BPIFC: variants seen among roughly 807,000 people sequenced by gnomAD.
BPIFC encodes the protein BPI fold containing family C, also known as BPI fold-containing family C protein.
A neutral mutation model predicts 57.6 loss-of-function variants in BPIFC; 60 were observed. That is an observed-to-expected ratio of 1.04 (90% CI 0.85 to 1.29). The LOEUF (loss-of-function observed/expected upper bound fraction) is 1.29. BPIFC is among the 50% of genes most tolerant of loss of function. The pLI is 0.00. For missense variants in BPIFC, 581 were observed against 600.5 expected, an observed-to-expected ratio of 0.97 and a Z score of 0.34; for synonymous variants, 243 against 224.5, an observed-to-expected ratio of 1.08 and a Z score of -0.74.
At chr22:32,427,498 G>A (rs921028835) in intron 13 of BPIFC, among the ~76,000 whole-genome samples, 44 of 152,064 alleles carry the variant, frequency 2.9e-4, no homozygotes, top group South Asian at 2.1e-4. Context: ...GCCCCGCCCC[G>A]CATCACTCCC....
intron 14 of BPIFC, among the ~76,000 whole-genome samples, chr22:32,417,461 C>T (rs1219149069): frequency 1.3e-5 from 2 of 152,180 alleles, no homozygotes; most frequent in African/African-American, 4.8e-5. Context: ...GTGGGAGCCA[C>T]CACACCTGGC....
intron 2 of BPIFC, 55 bp from the exon 3 acceptor site, chr22:32,457,441 C>G: frequency 6.4e-7 from 1 of 1,560,180 alleles, no homozygotes; most frequent in Non-Finnish European, 8.6e-7. Flanking sequence ...TCTCTTTGGT[C>G]AATTAAATCC....
intron 4 of BPIFC, among the ~76,000 whole-genome samples, chr22:32,448,345 T>C (rs1934791154): frequency 6.6e-6 from 1 of 152,106 alleles, no homozygotes; most frequent in Non-Finnish European, 1.5e-5. Context: ...AGTGCTGGGA[T>C]TATAGGCGTG....
Position 32,414,319 on chromosome 22 carries a change from C to A in BPIFC, c.1508G>T (p.Gly503Val). The A allele has an allele frequency of 6.2e-7, 1 of 1,613,658 alleles. No homozygotes were observed. Among genetic ancestry groups the A allele is most frequent in the Non-Finnish European group, 8.5e-7 (1 of 1,179,762 alleles). The change falls in exon 17 of 17, where the codon GGG becomes GTG. Residue 503 changes from glycine to valine, a missense_variant. Physicochemically the swap from Gly to Val is moderately radical, Grantham distance 109. Coordinates refer to ENST00000300399, the MANE Select transcript of BPIFC (RefSeq NM_174932.3). ...GLNLISRQWR[G>V]KSAP ...AACCGGCAATCAAGGGGCTGACTTC[C>A]CCCTCCACTGTCTGCTTATCAGGTT...
At position 32,431,411 on chromosome 22, in the gene BPIFC, C is replaced by T; in HGVS notation, c.1153G>A (p.Ala385Thr). 1.9e-6 allele frequency: 3 copies of T among 1,606,110 alleles called. No homozygotes were observed. In the South Asian group the frequency reaches 3.3e-5, roughly 18 times the overall value. ...VETIVSMDFV[A>T]STSVGLVILG... ...ATAACCAGGCCAACACTGGTACTAG[C>T]AACCTATAGACAATAAAAGCATTTA... The change falls in exon 13 of 17, where the codon GCT becomes ACT. Residue 385 changes from alanine to threonine, a missense_variant. By Grantham distance (58) the Ala-to-Thr change is moderately conservative. Transcript: ENST00000300399.
intron 13 of BPIFC, among the ~76,000 whole-genome samples, chr22:32,429,239 C>T (rs551710161): frequency 6.6e-6 from 1 of 151,496 alleles, no homozygotes; most frequent in South Asian, 2.1e-4. Flanking sequence ...TGGAGTCTCG[C>T]TCTGTCCCCC....
At chr22:32,447,395 C>A in intron 4 of BPIFC, 55 bp from the exon 5 acceptor site, 1 of 1,573,786 alleles carries the variant, frequency 6.4e-7, no homozygotes, top group South Asian at 1.2e-5. Context: ...TCTCTTCAGT[C>A]AAGCAAACTT....
Position 32,432,387 on chromosome 22 carries a change from C to A in BPIFC, c.1135G>T (p.Val379Phe), listed in dbSNP as rs370577187. 1.2e-6 allele frequency: 2 copies of A among 1,613,974 alleles called. No homozygotes were observed. Among genetic ancestry groups the A allele is most frequent in the African/African-American group, 1.3e-5 (1 of 75,018 alleles). Residue 379 changes from valine (V) to phenylalanine (F), a missense_variant, in exon 12 of 17, where the codon GTT becomes TTT. Transcript: ENST00000300399. Reference sequence around the variant, plus strand: ...CCCAGACTTACGAAGTCCATGGAAACGATGGTTTCAACTGTGGAGTTCTTG... The same window carrying A: ...CCCAGACTTACGAAGTCCATGGAAAAGATGGTTTCAACTGTGGAGTTCTTG... ...QPKNSTVETI[V>F]SMDFVASTSV...
intron 1 of BPIFC, among the ~76,000 whole-genome samples, chr22:32,462,752 C>T (rs556760629): frequency 6.6e-6 from 1 of 152,242 alleles, no homozygotes; most frequent in East Asian, 1.9e-4. Flanking sequence ...TTGAATGACT[C>T]GATACATGCT....
chr22:32,431,184 G>T (rs1301492507), intron 13 of BPIFC, among the ~76,000 whole-genome samples, 163 bp downstream of exon 13: 1 of 151,194 alleles, frequency 6.6e-6, no homozygotes, highest in African/African-American at 2.4e-5. Flanking sequence ...TGTGATCTTG[G>T]CTTACTGCAA....
intron 7 of BPIFC, among the ~76,000 whole-genome samples, 176 bp from the exon 8 acceptor site, chr22:32,442,907 C>T (rs150860107): frequency 1.4e-3 from 209 of 152,266 alleles, no homozygotes; most frequent in African/African-American, 4.3e-3. Flanking sequence ...TACGTAGATA[C>T]GGGTGGTATG....
chr22:32,431,895 GT>G (rs1934254043), intron 12 of BPIFC, among the ~76,000 whole-genome samples: 1 of 152,048 alleles, frequency 6.6e-6, no homozygotes, highest in Non-Finnish European at 1.5e-5. Flanking sequence ...GTATGAGAGT[GT>G]GAGTGCTTAC....
In BPIFC at chr22:32,424,610, C is replaced by T. The variant is rs1195224686; in HGVS notation, c.1218-5206G>A. On this transcript the variant is annotated intron_variant, in intron 13 of 16. Transcript: ENST00000300399. ...TCTTCTTCTTCTTCTTCTCCTCCTCCTCCTCCTCCTCCTCCTCCTCTTCTT... is the reference window on the plus strand; with the variant it reads ...TCTTCTTCTTCTTCTTCTCCTCCTCTTCCTCCTCCTCCTCCTCCTCTTCTT... 8.8e-4 allele frequency among the ~76,000 whole-genome samples: 50 copies of T among 56,550 alleles called. 12 individuals are homozygous for T. Among genetic ancestry groups the T allele is most frequent in the Middle Eastern group, 0.016 (2 of 128 alleles). 37.1% of individuals were successfully genotyped at this position (56,550 alleles called of 152,430 possible).
At chr22:32,453,333 GT>G in intron 4 of BPIFC, 49 bp downstream of exon 4, 1 of 1,338,018 alleles carries the variant, frequency 7.5e-7, no homozygotes. Context: ...TTCCTCCACT[GT>G]TTCCTTTGAG....
chr22:32,440,364 ACTC>A (rs145434147), intron 8 of BPIFC, among the ~76,000 whole-genome samples: 18,082 of 151,954 alleles, frequency 0.12, 1,158 homozygotes, highest in Middle Eastern at 0.18. Flanking sequence ...CAGGTCTTGA[ACTC>A]CTGACCTCAA....
chr22:32,435,557 A>G lies in BPIFC; in HGVS notation c.924+147T>C, dbSNP rs928234337. On this transcript the variant is annotated intron_variant, in intron 10 of 16. Transcript: ENST00000300399. ...AACCCGTAACAATGTTCACTCCACA[A>G]TTCCCTCATTCCTTCACTGTCTTGC... is the stretch of plus-strand genomic sequence containing the variant. The G allele has an allele frequency of 3.9e-5, 30 of 774,208 alleles. No individual in the cohort carries two copies. In the Middle Eastern group the frequency reaches 1.1e-3, roughly 28 times the overall value. The allele number at this position is 774,208 out of a possible 1,614,324, so 48.0% of individuals were successfully genotyped here. A position where few individuals can be genotyped will look rare whatever the true frequency, so the allele number is the denominator to read the frequency against.
chr22:32,423,745 G>A (rs1023059458), intron 13 of BPIFC, among the ~76,000 whole-genome samples: 37 of 151,848 alleles, frequency 2.4e-4, no homozygotes, highest in African/African-American at 8.5e-4. Context: ...CTTGAGCTTT[G>A]CATGGGATTA....
rs190320456 is a variant in BPIFC, at chr22:32,436,052, T to C, written c.748-172A>G. Among the ~76,000 whole-genome samples, 455 of 152,322 alleles carry C rather than the reference T, an allele frequency of 3.0e-3. 3 individuals are homozygous for C. Among genetic ancestry groups the C allele is most frequent in the African/African-American group, 0.01 (417 of 41,572 alleles). ...TGGGAGGCTGAGGCGGGTGAATCAC[T>C]GGAACACTGGAGTTTGAATTGATTG... On this transcript the variant is annotated intron_variant, in intron 9 of 16. Transcript: ENST00000300399.
chr22:32,419,803 CAAAAAAAAAAAA>C lies in BPIFC; in HGVS notation c.1218-411_1218-400del, dbSNP rs34812283. The stretch of plus-strand genomic sequence containing the variant: ...CCTGGGTATCAGAGTGAGACCCTGT[CAAAAAAAAAAAA>C]AAAAAAAAACAGATAAAAATAAAAC... On this transcript the variant is annotated intron_variant, in intron 13 of 16. Coordinates refer to ENST00000300399, the MANE Select transcript of BPIFC (RefSeq NM_174932.3). Among the ~76,000 whole-genome samples the C allele has an allele frequency of 1.4e-4, 14 of 102,380 alleles. No homozygotes were observed. The East Asian group carries it at 4.8e-3, about 35-fold the overall frequency. The allele number at this position is 102,380 out of a possible 152,430, so 67.2% of individuals were successfully genotyped here.
Sources: gnomAD v4.1 joint callset for allele counts (sites outside exome capture counted in the v4.1 genomes callset) on GRCh38, gnomAD v4.1.1 for gene constraint, MANE v1.5 for transcripts, NCBI Gene and HGNC (gene_info 2026-07-23, HGNC 2026-07-21) for gene names.